KDM7A: variants seen among roughly 807,000 people sequenced by gnomAD.
KDM7A encodes lysine-specific demethylase 7A.
KDM7A carries 28 observed loss-of-function variants against 114.8 expected under a neutral mutation model. That is an observed-to-expected ratio of 0.24 (90% CI 0.18 to 0.33). The LOEUF (loss-of-function observed/expected upper bound fraction) is 0.33, where lower values mean the gene tolerates loss of function less well. Ranked by LOEUF, KDM7A falls within the 10% of genes least tolerant of loss-of-function variation. The pLI is 1.00. For synonymous variants in KDM7A, 423 were observed against 397.8 expected (o/e 1.06, Z -0.75); for missense variants, 942 against 1,142.5 (o/e 0.82, Z 2.53).
At chr7:140,140,827 T>C (rs1794263995) in intron 1 of KDM7A, among the ~76,000 whole-genome samples, 1 of 151,378 alleles carries the variant, frequency 6.6e-6, no homozygotes, top group Non-Finnish European at 1.5e-5. Context: ...TGCTGGAGGA[T>C]CGAACTGGTA....
chr7:140,153,242 A>G (rs1231855675), intron 1 of KDM7A, among the ~76,000 whole-genome samples: 2 of 150,778 alleles, frequency 1.3e-5, no homozygotes, highest in African/African-American at 4.9e-5. Flanking sequence ...AAAAGTAACC[A>G]TGCGTGAGGC....
chr7:140,088,698 A>C lies in KDM7A; in HGVS notation c.*2396T>G, dbSNP rs1431821160. 1.0e-5 allele frequency: 4 copies of C among 391,308 alleles called. No individual in the cohort carries two copies. Among genetic ancestry groups the C allele is most frequent in the Non-Finnish European group, 1.8e-5 (4 of 221,704 alleles). 24.2% of individuals were successfully genotyped at this position (391,308 alleles called of 1,614,324 possible). On this transcript the variant is annotated 3_prime_UTR_variant, in exon 20 of 20. Transcript: ENST00000397560. Reference sequence around the variant, plus strand: ...TCAAGTGGTTCTATTACCTCGCTGAAAGTTTTCTAACTTAGCCACTTATTA... The same window carrying C: ...TCAAGTGGTTCTATTACCTCGCTGACAGTTTTCTAACTTAGCCACTTATTA...
chr7:140,164,375 G>C (rs970631689), intron 1 of KDM7A, among the ~76,000 whole-genome samples: 1 of 152,194 alleles, frequency 6.6e-6, no homozygotes, highest in African/African-American at 2.4e-5. Flanking sequence ...GGGCTAACCA[G>C]TGCAGAATGT....
At chr7:140,119,726 C>T (rs1158692864) in intron 8 of KDM7A, among the ~76,000 whole-genome samples, 1 of 152,184 alleles carries the variant, frequency 6.6e-6, no homozygotes, top group Non-Finnish European at 1.5e-5. Flanking sequence ...CTGTTTAAGG[C>T]TGCTTAAAGC....
chr7:140,160,780 G>A (rs1010575263), intron 1 of KDM7A, among the ~76,000 whole-genome samples: 4 of 152,160 alleles, frequency 2.6e-5, no homozygotes, highest in Admixed American at 1.3e-4. Flanking sequence ...ACTACAGGCT[G>A]GATGCCCACA....
intron 7 of KDM7A, among the ~76,000 whole-genome samples, chr7:140,124,156 T>C (rs1346996124): frequency 1.3e-5 from 2 of 151,522 alleles, no homozygotes; most frequent in Non-Finnish European, 2.9e-5. Context: ...TCCATCAACA[T>C]AAAGTATCCA....
intron 1 of KDM7A, among the ~76,000 whole-genome samples, chr7:140,151,684 C>T (rs1194473989): frequency 6.6e-6 from 1 of 152,120 alleles, no homozygotes; most frequent in Non-Finnish European, 1.5e-5. Flanking sequence ...ATATTATGCC[C>T]ATTTACTTTT....
At chr7:140,172,691 G>C (rs6946981) in intron 1 of KDM7A, among the ~76,000 whole-genome samples, 51,806 of 151,634 alleles carry the variant, frequency 0.34, 9,057 homozygotes, top group Middle Eastern at 0.43. Context: ...ATAACAATAG[G>C]GTAATTATTT....
chr7:140,172,863 C>T (rs565432138), intron 1 of KDM7A, among the ~76,000 whole-genome samples: 35 of 152,242 alleles, frequency 2.3e-4, no homozygotes, highest in African/African-American at 8.2e-4. Context: ...TACATATACA[C>T]ATACCACATT....
Position 140,126,692 on chromosome 7 carries a change from T to C in KDM7A, c.833A>G (p.Tyr278Cys). The C allele has an allele frequency of 6.2e-7, 1 of 1,613,882 alleles. No individual in the cohort carries two copies. Among genetic ancestry groups the C allele is most frequent in the Non-Finnish European group, 8.5e-7 (1 of 1,179,788 alleles). ...ACCGAAGTCAATGTGGAAATCTGTA[T>C]AGCTGTCTTGAACTCCCATTAAGCA... ...KYCLMGVQDS[Y>C]TDFHIDFGGT... Residue 278 changes from tyrosine (Y) to cysteine (C), a missense_variant, in exon 6 of 20, where the codon TAT becomes TGT. Transcript: ENST00000397560.
chr7:140,091,671 T>C (rs1449495012), intron 19 of KDM7A, 133 bp downstream of exon 19: 4 of 973,188 alleles, frequency 4.1e-6, no homozygotes, highest in Non-Finnish European at 3.2e-6. Flanking sequence ...AGCCTGTGTA[T>C]ACTGCCATCA....
Position 140,159,511 on chromosome 7 carries a change from A to T in KDM7A, c.194+17233T>A, listed in dbSNP as rs142025633. Among the ~76,000 whole-genome samples, 22 of 152,360 alleles carry T rather than the reference A, an allele frequency of 1.4e-4. No individual in the cohort carries two copies. The East Asian group carries it at 4.2e-3, about 29-fold the overall frequency. ...CCTAAAGATAATTTCCAACTACAGC[A>T]AAGACCACAATCTATATGACTTAGC... On this transcript the variant is annotated intron_variant, in intron 1 of 19. Transcript: ENST00000397560.
At chr7:140,133,720 T>C (rs1818827059) in intron 2 of KDM7A, 64 bp from the exon 3 acceptor site, 1 of 856,348 alleles carries the variant, frequency 1.2e-6, no homozygotes, top group African/African-American at 1.7e-5. Flanking sequence ...TGATTTCTAA[T>C]CATTATATCC....
chr7:140,172,534 T>C (rs996931836), intron 1 of KDM7A, among the ~76,000 whole-genome samples: 18 of 152,092 alleles, frequency 1.2e-4, no homozygotes, highest in Non-Finnish European at 2.1e-4. Flanking sequence ...GTGCCTGTAG[T>C]CCCAGCTACT....
At chr7:140,120,708 TG>T (rs1818606286) in intron 7 of KDM7A, among the ~76,000 whole-genome samples, 179 bp from the exon 8 acceptor site, 1 of 152,262 alleles carries the variant, frequency 6.6e-6, no homozygotes, top group Admixed American at 6.5e-5. Context: ...GCCTATTATA[TG>T]GTAGGCTCTA....
chr7:140,153,570 T>C (rs1396752270), intron 1 of KDM7A, among the ~76,000 whole-genome samples: 1 of 152,204 alleles, frequency 6.6e-6, no homozygotes, highest in Non-Finnish European at 1.5e-5. Context: ...TCACAATTGT[T>C]CTGGTGAACT....
intron 14 of KDM7A, among the ~76,000 whole-genome samples, 191 bp from the exon 15 acceptor site, chr7:140,097,833 C>CA (rs1446042294): frequency 1.3e-5 from 2 of 152,190 alleles, no homozygotes; most frequent in Non-Finnish European, 2.9e-5. Context: ...GGCCAAGACA[C>CA]AGACTGAAGT....
chr7:140,111,261 A>AT, intron 10 of KDM7A, 77 bp from the exon 11 acceptor site: 1 of 895,802 alleles, frequency 1.1e-6, no homozygotes, highest in Admixed American at 2.2e-5. Flanking sequence ...TACTAAACCA[A>AT]TTTTTGGATT....
chr7:140,117,471 C>T (rs1038055667), intron 9 of KDM7A, among the ~76,000 whole-genome samples: 1 of 149,688 alleles, frequency 6.7e-6, no homozygotes, highest in Admixed American at 6.6e-5. Flanking sequence ...AGGGTAGAGG[C>T]GTGTGTGTGT....
Sources: allele counts gnomAD v4.1 joint callset (sites outside exome capture counted in the v4.1 genomes callset), GRCh38; gene constraint gnomAD v4.1.1; transcripts MANE v1.5; gene names NCBI Gene and HGNC (gene_info 2026-07-23, HGNC 2026-07-21).